DNAH11: variants seen among roughly 807,000 people sequenced by gnomAD.
DNAH11 encodes dynein axonemal heavy chain 11.
A neutral mutation model predicts 526.0 loss-of-function variants in DNAH11; 442 were observed. The observed-to-expected ratio is 0.84, with a 90% CI of 0.78 to 0.91. DNAH11 has a LOEUF of 0.91. Ranked by LOEUF, DNAH11 falls within the 40% of genes least tolerant of loss-of-function variation. The pLI is 0.00. For synonymous variants in DNAH11, 2,461 were observed against 1,935.9 expected, an observed-to-expected ratio of 1.27 and a Z score of -7.12; for missense variants, 6,989 against 5,448.7, an observed-to-expected ratio of 1.28 and a Z score of -8.90.
intron 52 of DNAH11, among the ~76,000 whole-genome samples, chr7:21,749,167 C>T (rs1284807447): frequency 6.6e-6 from 1 of 152,196 alleles, no homozygotes; most frequent in Non-Finnish European, 1.5e-5. Flanking sequence ...AGAGGAATAA[C>T]ACGTTTAGGA....
intron 41 of DNAH11, 114 bp downstream of exon 41, chr7:21,710,817 G>C (rs978811271): frequency 1.2e-5 from 12 of 1,041,604 alleles, no homozygotes; most frequent in Admixed American, 3.5e-5. Context: ...GATTCTTTAT[G>C]TAATTATTAT....
Position 21,901,405 on chromosome 7 carries a change from A to G in DNAH11, c.*151A>G. On this transcript the variant is annotated 3_prime_UTR_variant, in exon 82 of 82. Transcript: ENST00000409508. ...GCTATCCTTAGAGTGAAAGTCAGAA[A>G]AAAATACTAGAAACTAACTCAGGGC... 4 of 1,145,418 alleles carry G rather than the reference A, an allele frequency of 3.5e-6. No homozygotes were observed. The highest frequency in any genetic ancestry group is 4.6e-6 in the Non-Finnish European group (4 of 875,496). The allele number at this position is 1,145,418 out of a possible 1,614,324, so 71.0% of individuals were successfully genotyped here.
At chr7:21,746,743 T>C (rs1463402042) in intron 51 of DNAH11, among the ~76,000 whole-genome samples, 1 of 152,190 alleles carries the variant, frequency 6.6e-6, no homozygotes, top group Non-Finnish European at 1.5e-5. Context: ...TCACCACAAC[T>C]AACTGTTGGT....
rs1583807330 is a variant in DNAH11 at position 21,881,035 on chromosome 7, T to A, written c.12387+142T>A. ...CTATGTATGTATCTTCTGCCAAGTG[T>A]GAAAATAAACCAGATCAAAGGTTTT... On this transcript the variant is annotated intron_variant, in intron 75 of 81. Coordinates refer to ENST00000409508, the MANE Select transcript of DNAH11 (RefSeq NM_001277115.2). 6.3e-6 allele frequency: 5 copies of A among 799,574 alleles called. No homozygotes were observed. The South Asian group carries it at 9.1e-5, about 15-fold the overall frequency. The allele number at this position is 799,574 out of a possible 1,614,324, so 49.5% of individuals were successfully genotyped here. A position where few individuals can be genotyped will look rare whatever the true frequency, so the allele number is the denominator to read the frequency against.
chr7:21,885,047 T>C (rs1784073644), intron 76 of DNAH11, among the ~76,000 whole-genome samples: 3 of 151,184 alleles, frequency 2.0e-5, no homozygotes, highest in Admixed American at 1.3e-4. Context: ...CCCATAAATA[T>C]ATATAATTAT....
At chr7:21,555,901 A>G (rs1405848940) in intron 2 of DNAH11, among the ~76,000 whole-genome samples, 1 of 152,194 alleles carries the variant, frequency 6.6e-6, no homozygotes, top group Non-Finnish European at 1.5e-5. Context: ...TGTGAGAAAC[A>G]CATTTACCCA....
chr7:21,617,244 G>A (rs1047976048), intron 22 of DNAH11, among the ~76,000 whole-genome samples: 1 of 152,226 alleles, frequency 6.6e-6, no homozygotes, highest in Non-Finnish European at 1.5e-5. Context: ...GTTTAAATGA[G>A]TCATGTATTC....
At chr7:21,705,588 C>T in intron 39 of DNAH11, 51 bp downstream of exon 39, 2 of 1,570,556 alleles carry the variant, frequency 1.3e-6, no homozygotes, top group Non-Finnish European at 1.7e-6. Context: ...CATTTGTTGT[C>T]ATTGTGGTTC....
At chr7:21,733,099 A>G (rs966385899) in intron 45 of DNAH11, among the ~76,000 whole-genome samples, 1 of 152,220 alleles carries the variant, frequency 6.6e-6, no homozygotes, top group South Asian at 2.1e-4. Context: ...AAGAAGAAGC[A>G]GGGAAGGCCA....
At chr7:21,817,068 G>A (rs1011552380) in intron 64 of DNAH11, among the ~76,000 whole-genome samples, 2 of 152,128 alleles carry the variant, frequency 1.3e-5, no homozygotes, top group South Asian at 2.1e-4. Context: ...TGATGTTTAC[G>A]GTCATATTTC....
intron 28 of DNAH11, among the ~76,000 whole-genome samples, chr7:21,640,696 C>T (rs374525588): frequency 1.1e-4 from 16 of 152,188 alleles, no homozygotes; most frequent in East Asian, 1.9e-4. Context: ...GGGCAGGTAT[C>T]GTAATCTCCT....
At chr7:21,887,596 C>G (rs370280542) in intron 76 of DNAH11, among the ~76,000 whole-genome samples, 9 of 152,274 alleles carry the variant, frequency 5.9e-5, no homozygotes, top group South Asian at 2.1e-4. Flanking sequence ...GATCAACTTA[C>G]AGGTTTGCTG....
chr7:21,762,488 C>T (rs1786965623), intron 54 of DNAH11, among the ~76,000 whole-genome samples: 1 of 152,022 alleles, frequency 6.6e-6, no homozygotes, highest in African/African-American at 2.4e-5. Context: ...GTGTGGGAAA[C>T]CAACTTCTTG....
chr7:21,698,498 G>A (rs1783941977), intron 36 of DNAH11, among the ~76,000 whole-genome samples: 1 of 151,956 alleles, frequency 6.6e-6, no homozygotes, highest in Non-Finnish European at 1.5e-5. Flanking sequence ...GTCCCTGTAG[G>A]CCATTATATC....
At chr7:21,620,190 A>G in intron 25 of DNAH11, 112 bp downstream of exon 25, 3 of 978,188 alleles carry the variant, frequency 3.1e-6, no homozygotes, top group Non-Finnish European at 1.4e-6. Flanking sequence ...ATGTGGAAAG[A>G]TTAAATCAGG....
chr7:21,797,379 C>T (rs1418836871), intron 61 of DNAH11, among the ~76,000 whole-genome samples: 1 of 149,006 alleles, frequency 6.7e-6, no homozygotes, highest in East Asian at 1.9e-4. Context: ...GCCACCATGC[C>T]CGGCTAATTT....
intron 47 of DNAH11, among the ~76,000 whole-genome samples, chr7:21,739,240 A>G (rs1441898083): frequency 1.3e-5 from 2 of 152,324 alleles, no homozygotes; most frequent in Admixed American, 6.5e-5. Context: ...ATCCCTGACA[A>G]TTAACTACAG....
intron 28 of DNAH11, among the ~76,000 whole-genome samples, chr7:21,655,611 T>C (rs1179373002): frequency 6.6e-6 from 1 of 152,172 alleles, no homozygotes; most frequent in African/African-American, 2.4e-5. Context: ...TAAGCATTCA[T>C]CAGCCAGTAT....
At chr7:21,585,397 G>T (rs570517394) in intron 9 of DNAH11, among the ~76,000 whole-genome samples, 1 of 152,230 alleles carries the variant, frequency 6.6e-6, no homozygotes, top group East Asian at 1.9e-4. Flanking sequence ...ATAGAATGAT[G>T]AGCTCAGACC....
Sources: allele counts gnomAD v4.1 joint callset (sites outside exome capture counted in the v4.1 genomes callset), GRCh38; gene constraint gnomAD v4.1.1; transcripts MANE v1.5; gene names NCBI Gene and HGNC (gene_info 2026-07-23, HGNC 2026-07-21).